KIF13A: variants seen among roughly 807,000 people sequenced by gnomAD.
KIF13A encodes kinesin family member 13A.
Under a neutral mutation model 212.2 loss-of-function variants are expected in KIF13A, and 79 were observed. The observed-to-expected ratio is 0.37, with a 90% confidence interval of 0.31 to 0.45. The LOEUF (loss-of-function observed/expected upper bound fraction) is 0.45, where lower values mean the gene tolerates loss of function less well. KIF13A is among the 20% of genes least tolerant of loss of function. The probability of loss-of-function intolerance (pLI) is 1.00; values close to 1 mark genes in which losing one functional copy is unlikely to be tolerated. For synonymous variants in KIF13A, 789 were observed against 808.6 expected, an observed-to-expected ratio of 0.98 and a Z score of 0.41; for missense variants, 1,901 against 2,209.0, an observed-to-expected ratio of 0.86 and a Z score of 2.79.
rs1479054928 is a variant in KIF13A at position 17,899,390 on chromosome 6, G to A, written c.147-1210C>T. On this transcript the variant is annotated intron_variant, in intron 2 of 38. Transcript: ENST00000259711. This position sits in a 1 kb window ranked among gnomAD's most constrained non-coding sequence, Gnocchi z 5.2. ...GAAATAGAATCATGGGGCTAAGAAA[G>A]TAGATTTTCCAGGGCAGAGGGCACG... 6.6e-6 allele frequency among the ~76,000 whole-genome samples: 1 copy of A among 152,188 alleles called. No homozygotes were observed. The highest frequency in any genetic ancestry group is 2.4e-5 in the African/African-American group (1 of 41,434).
In KIF13A at chr6:17,849,091, T is replaced by C. The variant is rs987387115; in HGVS notation, c.830+286A>G. Among the ~76,000 whole-genome samples the C allele has an allele frequency of 1.5e-4, 23 of 152,064 alleles. No individual in the cohort carries two copies. Among genetic ancestry groups the C allele is most frequent in the African/African-American group, 5.1e-4 (21 of 41,416 alleles). ...CGTGACCGTGCCTTTTTAGTAGAGA[T>C]GGGGTTTTGCCATGTTGGCCAGGCT... On this transcript the variant is annotated intron_variant, in intron 9 of 38. Coordinates refer to ENST00000259711, the MANE Select transcript of KIF13A (RefSeq NM_022113.6). The surrounding 1 kb of genome is among the most constrained non-coding windows in gnomAD (Gnocchi z 5.7).
At chr6:17,943,445 A>T (rs1237246292) in intron 2 of KIF13A, among the ~76,000 whole-genome samples, 1 of 143,360 alleles carries the variant, frequency 7.0e-6, no homozygotes, top group Non-Finnish European at 1.5e-5. Context: ...ACAGGGTTTC[A>T]CCATGTTGGC....
At position 17,893,971 on chromosome 6, in the gene KIF13A, C is replaced by G. The variant is rs561260057; in HGVS notation, c.159+4197G>C. Among the ~76,000 whole-genome samples, 217 of 150,146 alleles carry G rather than the reference C, an allele frequency of 1.4e-3. 1 individual carries two copies. The highest frequency in any genetic ancestry group is 5.1e-3 in the African/African-American group (210 of 40,892). On this transcript the variant is annotated intron_variant, in intron 3 of 38. Transcript: ENST00000259711. ...TCTCCTGTCTCAGCCTCCCAAGTAA[C>G]TGGGACTACAGGCGTGTGCCACCAC...
Position 17,852,031 on chromosome 6 carries a change from G to A in KIF13A, c.506C>T (p.Ser169Phe). Residue 169 changes from serine to phenylalanine, a missense_variant, in exon 7 of 39, where the codon TCT becomes TTT. Around this residue, in one of 5 missense-constraint regions of KIF13A, gnomAD observed 506 missense variants for 637.4 expected, o/e 0.79. Coordinates refer to ENST00000259711, the MANE Select transcript of KIF13A (RefSeq NM_022113.6). ...AACTTTATGTTCTCGAACTTTAAGAGACTGTCTACTCCTGCGGGAGGGAGG... is the reference window on the plus strand; with the variant it reads ...AACTTTATGTTCTCGAACTTTAAGAAACTGTCTACTCCTGCGGGAGGGAGG... ...DLLDPKGSRQ[S>F]LKVREHKVLG... is the part of the protein sequence containing the mutation. 1.3e-6 allele frequency: 2 copies of A among 1,535,008 alleles called. No individual in the cohort carries two copies. The highest frequency in any genetic ancestry group is 1.8e-6 in the Non-Finnish European group (2 of 1,141,148).
In KIF13A at chr6:17,974,226, C is replaced by T. The variant is rs559127664; in HGVS notation, c.146+12828G>A. On this transcript the variant is annotated intron_variant, in intron 2 of 38. Transcript: ENST00000259711. ...CCTCCTGAGTAGCTGGGATTACAGGCACACGCCAACATGCCCGGCTTTTTT... is the reference window on the plus strand; with the variant it reads ...CCTCCTGAGTAGCTGGGATTACAGGTACACGCCAACATGCCCGGCTTTTTT... Among the ~76,000 whole-genome samples, 3 of 152,278 alleles carry T rather than the reference C, an allele frequency of 2.0e-5. No homozygotes were observed. The South Asian group carries it at 6.2e-4, about 32-fold the overall frequency.
chr6:17,867,432 G>A (rs1006280704), intron 4 of KIF13A, among the ~76,000 whole-genome samples: 4 of 152,170 alleles, frequency 2.6e-5, no homozygotes, highest in African/African-American at 9.7e-5. Flanking sequence ...TACTAGCATT[G>A]CTCATAACTA....
Position 17,794,785 on chromosome 6 carries a change from A to C in KIF13A, c.2943-81T>G. On this transcript the variant is annotated intron_variant, in intron 23 of 38. Transcript: ENST00000259711. This position sits in a 1 kb window ranked among gnomAD's most constrained non-coding sequence, Gnocchi z 4.1. ...AATAGTAATAAGCCACCATTCACTG[A>C]GCACTTACTATGTGCTAGGCACTGT... 7.0e-7 allele frequency: 1 copy of C among 1,432,742 alleles called. No individual in the cohort carries two copies. The highest frequency in any genetic ancestry group is 1.3e-5 in the South Asian group (1 of 75,786). The allele number at this position is 1,432,742 out of a possible 1,614,324, so 88.8% of individuals were successfully genotyped here. A position where few individuals can be genotyped will look rare whatever the true frequency, so the allele number is the denominator to read the frequency against.
chr6:17,803,565 A>G (rs1232463026), intron 20 of KIF13A, among the ~76,000 whole-genome samples: 1 of 152,182 alleles, frequency 6.6e-6, no homozygotes, highest in Admixed American at 6.5e-5. Context: ...AGGCCACTAT[A>G]TCTAAATAGC....
At chr6:17,950,915 A>G in intron 2 of KIF13A, 1 of 982,498 alleles carries the variant, frequency 1.0e-6, no homozygotes. Flanking sequence ...CCACCCACCC[A>G]GAGAAATCTC....
At chr6:17,784,729 G>C (rs1050895864) in intron 28 of KIF13A, among the ~76,000 whole-genome samples, 1 of 152,130 alleles carries the variant, frequency 6.6e-6, no homozygotes, top group Admixed American at 6.5e-5. Flanking sequence ...TGAGTAGGCT[G>C]TCTGTAAGAA....
chr6:17,849,391 G>C lies in KIF13A; in HGVS notation c.816C>G (p.Gly272=). The C allele has an allele frequency of 6.2e-7, 1 of 1,612,472 alleles. No individual in the cohort carries two copies. ...TGAAGERLKE[G]SNINKSLTTL... Reference sequence around the variant, plus strand: ...AGCCACCTTACTTGTTAATGTTGCTGCCTTCTTTCAGTCGCTCTCCTGCAG... The same window carrying C: ...AGCCACCTTACTTGTTAATGTTGCTCCCTTCTTTCAGTCGCTCTCCTGCAG... The change falls in exon 9 of 39, where the codon GGC becomes GGG. Residue 272 remains glycine, a synonymous_variant. Coordinates refer to ENST00000259711, the MANE Select transcript of KIF13A (RefSeq NM_022113.6). The surrounding 1 kb of genome is among the most constrained non-coding windows in gnomAD (Gnocchi z 5.7).
chr6:17,974,105 G>A (rs965521547), intron 2 of KIF13A, among the ~76,000 whole-genome samples: 3 of 151,826 alleles, frequency 2.0e-5, no homozygotes, highest in African/African-American at 7.3e-5. Flanking sequence ...TTTTTGAGAC[G>A]GAGTCTTGCT....
Position 17,764,569 on chromosome 6 carries a change from T to G in KIF13A, c.4959A>C (p.Thr1653=). Residue 1653 remains threonine, a synonymous_variant, in exon 39 of 39, where the codon ACA becomes ACC. Coordinates refer to ENST00000259711, the MANE Select transcript of KIF13A (RefSeq NM_022113.6). The surrounding 1 kb of genome is among the most constrained non-coding windows in gnomAD (Gnocchi z 5.1). ...CCTTTACCAAGCCTTTTTCGACTTC[T>G]GTCAACTCTTTGTTTGAGGACGGCC... ...DFRPSSNKEL[T]EVEKGLVKDK... 1 of 1,613,988 alleles carries G rather than the reference T, an allele frequency of 6.2e-7. No individual in the cohort carries two copies.
intron 3 of KIF13A, among the ~76,000 whole-genome samples, chr6:17,882,601 G>A (rs573922979): frequency 9.1e-4 from 135 of 148,172 alleles, no homozygotes; most frequent in African/African-American, 3.1e-3. Context: ...TTGCTCTGTC[G>A]CCCAGGCTGG....
Position 17,764,765 on chromosome 6 carries a change from C to G in KIF13A, c.4763G>C (p.Arg1588Pro). 6.2e-7 allele frequency: 1 copy of G among 1,612,958 alleles called. No individual in the cohort carries two copies. The highest frequency in any genetic ancestry group is 8.5e-7 in the Non-Finnish European group (1 of 1,179,470). Residue 1588 changes from arginine to proline, a missense_variant, in exon 39 of 39, where the codon CGT becomes CCT. By Grantham distance (103) the Arg-to-Pro change is moderately radical. This residue lies in a region of KIF13A where 687 missense variants were observed against 759.1 expected (regional missense o/e 0.90). Transcript: ENST00000259711. The surrounding 1 kb of genome is among the most constrained non-coding windows in gnomAD (Gnocchi z 5.1). ...NSRVLEKEVS[R>P]SPTTSSITSG... ...GGTAATACTGCTGGTGGTAGGGCTA[C>G]GGGACACTTCTTTCTCCAAGACCCG...
In KIF13A at chr6:17,892,888, C is replaced by T. The variant is rs115336290; in HGVS notation, c.159+5280G>A. Among the ~76,000 whole-genome samples the T allele has an allele frequency of 5.0e-3, 763 of 152,266 alleles. 4 individuals are homozygous for T. The highest frequency in any genetic ancestry group is 7.6e-3 in the Non-Finnish European group (515 of 68,022). On this transcript the variant is annotated intron_variant, in intron 3 of 38. Coordinates refer to ENST00000259711, the MANE Select transcript of KIF13A (RefSeq NM_022113.6). This position sits in a 1 kb window ranked among gnomAD's most constrained non-coding sequence, Gnocchi z 4.7. ...AAAGCTGGCAATATTATGTAAAGGG[C>T]GTTCCTGAGTTCTGTGAGCCATTCT... is the stretch of plus-strand genomic sequence containing the variant.
At chr6:17,873,182 A>G in intron 4 of KIF13A, 195 bp downstream of exon 4, 1 of 515,256 alleles carries the variant, frequency 1.9e-6, no homozygotes, top group South Asian at 2.8e-5. Context: ...AATCTGTTCA[A>G]GGATTTTACA....
chr6:17,966,436 ACT>A (rs1281929789), intron 2 of KIF13A, among the ~76,000 whole-genome samples: 6 of 143,336 alleles, frequency 4.2e-5, no homozygotes, highest in Non-Finnish European at 9.0e-5. Context: ...AATATTCAAG[ACT>A]CTGAATTTTT....
intron 9 of KIF13A, among the ~76,000 whole-genome samples, chr6:17,841,604 C>T (rs1415284952): frequency 1.3e-5 from 2 of 152,088 alleles, no homozygotes; most frequent in Admixed American, 6.5e-5. Flanking sequence ...CTCCAATTCC[C>T]ATGTATATTT....
Sources: gnomAD v4.1 joint callset for allele counts (sites outside exome capture counted in the v4.1 genomes callset) on GRCh38, gnomAD v4.1.1 for gene constraint, gnomAD v4.1.1 regional missense constraint, Gnocchi (gnomAD v3.1) non-coding constraint, MANE v1.5 for transcripts, NCBI Gene and HGNC (gene_info 2026-07-23, HGNC 2026-07-21) for gene names.